SORCS1: variants seen among roughly 807,000 people sequenced by gnomAD.
SORCS1 encodes VPS10 domain-containing receptor SorCS1.
In SORCS1, 60 loss-of-function variants were observed where a neutral mutation model predicts 146.1. That is an observed-to-expected ratio of 0.41 (90% CI 0.33 to 0.51). The LOEUF (loss-of-function observed/expected upper bound fraction) is 0.51, where lower values mean the gene tolerates loss of function less well. Ranked by LOEUF, SORCS1 falls within the 20% of genes least tolerant of loss-of-function variation. SORCS1 has a pLI of 0.21. For synonymous variants in SORCS1, 637 were observed against 584.0 expected (o/e 1.09, Z -1.31); for missense variants, 1,352 against 1,487.6 (o/e 0.91, Z 1.50).
intron 1 of SORCS1, among the ~76,000 whole-genome samples, chr10:107,064,669 T>C (rs1446211127): frequency 6.6e-6 from 1 of 152,238 alleles, no homozygotes; most frequent in South Asian, 2.1e-4. Context: ...TTCCTTCTCC[T>C]CTCTTGCAGA....
At chr10:106,676,518 G>C (rs1251839447) in intron 13 of SORCS1, among the ~76,000 whole-genome samples, 1 of 152,188 alleles carries the variant, frequency 6.6e-6, no homozygotes, top group Non-Finnish European at 1.5e-5. Flanking sequence ...CATGAACATT[G>C]TTCTACCTGT....
chr10:106,830,313 A>G (rs1032136166), intron 2 of SORCS1, among the ~76,000 whole-genome samples: 7 of 152,134 alleles, frequency 4.6e-5, no homozygotes, highest in Non-Finnish European at 8.8e-5. Context: ...TCAATAAATT[A>G]TTCACTCGGA....
rs78358063 is a variant in SORCS1 at position 106,926,820 on chromosome 10, AATAT to A, written c.626+29689_626+29692del. Among the ~76,000 whole-genome samples the A allele has an allele frequency of 8.7e-3, 645 of 73,940 alleles. 9 individuals are homozygous for A. The highest frequency in any genetic ancestry group is 0.016 in the African/African-American group (504 of 31,288). 48.5% of individuals were successfully genotyped at this position (73,940 alleles called of 152,430 possible). A position where few individuals can be genotyped will look rare whatever the true frequency, so the allele number is the denominator to read the frequency against. ...CATTCTTCCTCCAAAATTTCTAAGG[AATAT>A]ATATACACACACACACACACACACA... On this transcript the variant is annotated intron_variant, in intron 2 of 25. Transcript: ENST00000263054.
chr10:107,120,712 T>A (rs545472903), intron 1 of SORCS1, among the ~76,000 whole-genome samples: 2 of 152,324 alleles, frequency 1.3e-5, no homozygotes, highest in Admixed American at 1.3e-4. Flanking sequence ...AAAGCACGAC[T>A]GCTTAAACCG....
intron 1 of SORCS1, among the ~76,000 whole-genome samples, chr10:107,103,977 T>C (rs992422653): frequency 1.3e-5 from 2 of 152,234 alleles, no homozygotes; most frequent in African/African-American, 4.8e-5. Context: ...ACTCATGGTT[T>C]TTCTTCTGCC....
chr10:106,978,906 A>G (rs955905044), intron 1 of SORCS1, among the ~76,000 whole-genome samples: 2 of 152,194 alleles, frequency 1.3e-5, no homozygotes, highest in African/African-American at 4.8e-5. Context: ...GCTATAGACA[A>G]TATGTCAACA....
chr10:106,707,820 C>T (rs1854641865), intron 7 of SORCS1, among the ~76,000 whole-genome samples: 1 of 152,112 alleles, frequency 6.6e-6, no homozygotes, highest in African/African-American at 2.4e-5. Context: ...TCTCTCTCTC[C>T]TACACAGCCA....
chr10:106,916,096 G>A (rs773080448), intron 2 of SORCS1, among the ~76,000 whole-genome samples: 1 of 152,082 alleles, frequency 6.6e-6, no homozygotes, highest in Non-Finnish European at 1.5e-5. Context: ...TCTTGCCTAG[G>A]TAGAATCCTC....
chr10:106,587,343 T>C (rs1426355555), intron 24 of SORCS1, among the ~76,000 whole-genome samples: 2 of 152,188 alleles, frequency 1.3e-5, no homozygotes, highest in Non-Finnish European at 2.9e-5. Context: ...AAATGGAAAA[T>C]GTTATTGCAA....
At chr10:107,158,978 T>G (rs867337868) in intron 1 of SORCS1, among the ~76,000 whole-genome samples, 6 of 151,906 alleles carry the variant, frequency 3.9e-5, no homozygotes, top group Non-Finnish European at 7.4e-5. Flanking sequence ...ACTAAGAGAT[T>G]TTTACTTTCC....
At chr10:106,924,692 C>T (rs1354596736) in intron 2 of SORCS1, among the ~76,000 whole-genome samples, 1 of 150,926 alleles carries the variant, frequency 6.6e-6, no homozygotes, top group African/African-American at 2.4e-5. Flanking sequence ...CTGCTAGTGA[C>T]AGCCCTGAGA....
chr10:106,988,782 G>A (rs1956606690), intron 1 of SORCS1, among the ~76,000 whole-genome samples: 1 of 152,100 alleles, frequency 6.6e-6, no homozygotes, highest in South Asian at 2.1e-4. Context: ...TTGTAACACT[G>A]AAATATTTTC....
At chr10:106,823,841 CT>C (rs1948168753) in intron 3 of SORCS1, among the ~76,000 whole-genome samples, 1 of 152,008 alleles carries the variant, frequency 6.6e-6, no homozygotes, top group Admixed American at 6.6e-5. Flanking sequence ...CTGCATGTAA[CT>C]TCAGACAAGT....
At chr10:106,963,042 A>G (rs941875694) in intron 1 of SORCS1, among the ~76,000 whole-genome samples, 11 of 150,696 alleles carry the variant, frequency 7.3e-5, no homozygotes, top group African/African-American at 1.2e-4. Flanking sequence ...GCCTGAAGAG[A>G]TTTGGAATAA....
chr10:106,984,916 C>G (rs1307335996), intron 1 of SORCS1, among the ~76,000 whole-genome samples: 1 of 151,778 alleles, frequency 6.6e-6, no homozygotes, highest in Non-Finnish European at 1.5e-5. Context: ...GGCCGGGTGC[C>G]GTGGCTCATG....
At chr10:106,578,314 T>C (rs1298368807) in intron 25 of SORCS1, 1 of 152,086 alleles carries the variant, frequency 6.6e-6, no homozygotes, top group African/African-American at 2.4e-5. Flanking sequence ...CTATACCTCG[T>C]TGTTGGATTC....
At chr10:107,046,727 T>C (rs910753750) in intron 1 of SORCS1, among the ~76,000 whole-genome samples, 3 of 152,178 alleles carry the variant, frequency 2.0e-5, no homozygotes, top group Non-Finnish European at 4.4e-5. Flanking sequence ...TTATTTGGCT[T>C]TCTAAATTTC....
intron 1 of SORCS1, among the ~76,000 whole-genome samples, chr10:107,075,847 A>T (rs190625221): frequency 6.6e-6 from 1 of 151,942 alleles, no homozygotes; most frequent in Admixed American, 6.6e-5. Flanking sequence ...CTGCTCTTTA[A>T]TCTCTCTACA....
chr10:107,148,915 C>T (rs1968547681), intron 1 of SORCS1, among the ~76,000 whole-genome samples: 1 of 152,158 alleles, frequency 6.6e-6, no homozygotes, highest in South Asian at 2.1e-4. Flanking sequence ...TAATTTTTGT[C>T]TTAAAATAAT....
Sources: gnomAD v4.1 joint callset for allele counts (sites outside exome capture counted in the v4.1 genomes callset) on GRCh38, gnomAD v4.1.1 for gene constraint, MANE v1.5 for transcripts, NCBI Gene and HGNC (gene_info 2026-07-23, HGNC 2026-07-21) for gene names.